MTNR1A: variants seen among roughly 807,000 people sequenced by gnomAD.
MTNR1A encodes melatonin receptor 1A.
In MTNR1A, 7 loss-of-function variants were observed where a neutral mutation model predicts 5.5. That is an observed-to-expected ratio of 1.28 (90% CI 0.73 to 2.40). The LOEUF (loss-of-function observed/expected upper bound fraction) is 2.40, where lower values mean the gene tolerates loss of function less well. Among genes scored for constraint, MTNR1A ranks in the 30% most tolerant of loss-of-function variants. The pLI is 0.00. For synonymous variants in MTNR1A, 196 were observed against 202.7 expected, an observed-to-expected ratio of 0.97 and a Z score of 0.28; for missense variants, 441 against 464.4, an observed-to-expected ratio of 0.95 and a Z score of 0.46.
chr4:186,554,908 A>G (rs993536533), intron 1 of MTNR1A, among the ~76,000 whole-genome samples: 2 of 152,206 alleles, frequency 1.3e-5, no homozygotes, highest in African/African-American at 2.4e-5. Flanking sequence ...TCTCAATCTA[A>G]TAAACCTCAG....
intron 1 of MTNR1A, among the ~76,000 whole-genome samples, chr4:186,538,985 C>T (rs922759200): frequency 7.2e-5 from 11 of 152,068 alleles, no homozygotes; most frequent in South Asian, 2.1e-4. Flanking sequence ...TTTGGGAGGC[C>T]GAGGCGGGGG....
chr4:186,555,318 G>C lies in MTNR1A; in HGVS notation c.48C>G (p.Leu16=). 20 of 1,546,572 alleles carry C rather than the reference G, an allele frequency of 1.3e-5. No individual in the cohort carries two copies. The highest frequency in any genetic ancestry group is 1.7e-5 in the Non-Finnish European group (19 of 1,145,724). The part of the protein sequence containing the change: ...SALPNASQPV[L]RGDGARPSWL... ...ACGAGGGCCGCGCGCCGTCCCCGCG[G>C]AGCACGGGCTGGGAGGCGTTGGGCA... The change falls in exon 1 of 2, where the codon CTC becomes CTG. Residue 16 remains leucine, a synonymous_variant. Transcript: ENST00000307161. This position sits in a 1 kb window ranked among gnomAD's most constrained non-coding sequence, Gnocchi z 4.1.
rs1472844351 is a variant in MTNR1A at position 186,540,727 on chromosome 4, G to T, written c.185-6170C>A. Among the ~76,000 whole-genome samples the T allele has an allele frequency of 3.1e-5, 3 of 98,298 alleles. No homozygotes were observed. In the East Asian group the frequency reaches 9.7e-4, roughly 32 times the overall value. The allele number at this position is 98,298 out of a possible 152,430, so 64.5% of individuals were successfully genotyped here. A position where few individuals can be genotyped will look rare whatever the true frequency, so the allele number is the denominator to read the frequency against. ...CTGTCTGAAGGACCAGGTGCTGTCT[G>T]ACTGACTGAAGGACCAGGTGCTGTC... On this transcript the variant is annotated intron_variant, in intron 1 of 1. Transcript: ENST00000307161.
intron 1 of MTNR1A, among the ~76,000 whole-genome samples, chr4:186,551,936 G>C (rs1737274109): frequency 6.6e-6 from 1 of 152,146 alleles, no homozygotes; most frequent in African/African-American, 2.4e-5. Flanking sequence ...TTACCCTACT[G>C]TGCACACAGA....
intron 1 of MTNR1A, among the ~76,000 whole-genome samples, chr4:186,538,495 T>C (rs1329469719): frequency 2.6e-5 from 4 of 152,080 alleles, no homozygotes; most frequent in Non-Finnish European, 5.9e-5. Flanking sequence ...GACGGCAGTG[T>C]GCTCACAGCT....
chr4:186,551,750 G>C (rs527447331), intron 1 of MTNR1A, among the ~76,000 whole-genome samples: 3 of 152,024 alleles, frequency 2.0e-5, no homozygotes. Context: ...GAGGCCCAAA[G>C]TCCACATTCA....
At position 186,555,420 on chromosome 4, in the gene MTNR1A, G is replaced by T; in HGVS notation, c.-55C>A. On this transcript the variant is annotated 5_prime_UTR_variant, in exon 1 of 2. Transcript: ENST00000307161. The surrounding 1 kb of genome is among the most constrained non-coding windows in gnomAD (Gnocchi z 4.1). ...CATCGCCCGCCTCGTCCGCCCGCCC[G>T]ACCACTTGTTAAGGCTCCGCCCGGC... The T allele has an allele frequency of 7.6e-7, 1 of 1,322,312 alleles. No individual in the cohort carries two copies. The highest frequency in any genetic ancestry group is 2.1e-5 in the South Asian group (1 of 47,914). 81.9% of individuals were successfully genotyped at this position (1,322,312 alleles called of 1,614,324 possible). A position where few individuals can be genotyped will look rare whatever the true frequency, so the allele number is the denominator to read the frequency against.
chr4:186,544,872 A>G (rs1232941586), intron 1 of MTNR1A, among the ~76,000 whole-genome samples: 1 of 152,120 alleles, frequency 6.6e-6, no homozygotes, highest in East Asian at 1.9e-4. Flanking sequence ...TTCATTTGGC[A>G]AGGACTGGAT....
At chr4:186,544,554 CCTAT>C (rs1271810160) in intron 1 of MTNR1A, among the ~76,000 whole-genome samples, 1 of 152,198 alleles carries the variant, frequency 6.6e-6, no homozygotes, top group Non-Finnish European at 1.5e-5. Flanking sequence ...AATCTATCAA[CCTAT>C]CTGACACTGT....
chr4:186,534,103 C>T lies in MTNR1A; in HGVS notation c.639G>A (p.Leu213=). The T allele has an allele frequency of 1.2e-6, 2 of 1,614,136 alleles. No individual in the cohort carries two copies. The highest frequency in any genetic ancestry group is 1.7e-6 in the Non-Finnish European group (2 of 1,180,034). The change falls in exon 2 of 2, where the codon CTG becomes CTA. Residue 213 remains leucine, a synonymous_variant. Transcript: ENST00000307161. ...VIFCYLRIWI[L]VLQVRQRVKP... is the part of the protein sequence containing the mutation. ...TCACCCTCTGTCTGACCTGGAGAAC[C>T]AGGATCCATATTCTCAGGTAACAGA...
Position 186,551,413 on chromosome 4 carries a change from G to T in MTNR1A, c.184+3769C>A, listed in dbSNP as rs921456246. ...GTTTTCCAGTTCATATTGTCTACTT[G>T]TTTTTTTTTTTAAACATACACTTAA... On this transcript the variant is annotated intron_variant, in intron 1 of 1. Transcript: ENST00000307161. 2.8e-4 allele frequency among the ~76,000 whole-genome samples: 40 copies of T among 142,966 alleles called. No individual in the cohort carries two copies. In the East Asian group the frequency reaches 5.6e-3, roughly 20 times the overall value. 93.8% of individuals were successfully genotyped at this position (142,966 alleles called of 152,430 possible). A position where few individuals can be genotyped will look rare whatever the true frequency, so the allele number is the denominator to read the frequency against.
intron 1 of MTNR1A, among the ~76,000 whole-genome samples, chr4:186,553,957 C>T (rs991443541): frequency 1.2e-4 from 19 of 152,188 alleles, no homozygotes; most frequent in African/African-American, 4.6e-4. Context: ...ATCTGCAGCC[C>T]CAGTTTCTCC....
rs142510595 is a variant in MTNR1A, at chr4:186,535,475, G to A, written c.185-918C>T. On this transcript the variant is annotated intron_variant, in intron 1 of 1. Coordinates refer to ENST00000307161, the MANE Select transcript of MTNR1A (RefSeq NM_005958.4). ...CACCCAGTCTGGAGTGCAATGGTCC[G>A]ACCTTGGCTCACTGCAACCTCCGCC... 4.9e-4 allele frequency among the ~76,000 whole-genome samples: 74 copies of A among 151,552 alleles called. 1 individual carries two copies. The East Asian group carries it at 9.5e-3, about 19-fold the overall frequency.
chr4:186,552,211 T>C (rs186748408), intron 1 of MTNR1A, among the ~76,000 whole-genome samples: 1 of 152,344 alleles, frequency 6.6e-6, no homozygotes, highest in African/African-American at 2.4e-5. Context: ...TTTCAACCCA[T>C]ACTGCTTGCT....
rs1443526963 is a variant in MTNR1A at position 186,555,291 on chromosome 4, C to G, written c.75G>C (p.Trp25Cys). The G allele has an allele frequency of 6.5e-7, 1 of 1,549,024 alleles. No individual in the cohort carries two copies. The highest frequency in any genetic ancestry group is 8.7e-7 in the Non-Finnish European group (1 of 1,147,138). The change falls in exon 1 of 2, where the codon TGG becomes TGC. Residue 25 changes from tryptophan to cysteine, a missense_variant. Coordinates refer to ENST00000307161, the MANE Select transcript of MTNR1A (RefSeq NM_005958.4). This position sits in a 1 kb window ranked among gnomAD's most constrained non-coding sequence, Gnocchi z 4.1. ...VLRGDGARPSWLASALACVLI... is the reference protein window; with the variant it reads ...VLRGDGARPSCLASALACVLI... ...GGACGCAGGCCAGGGCGGACGCCAG[C>G]CACGAGGGCCGCGCGCCGTCCCCGC...
intron 1 of MTNR1A, among the ~76,000 whole-genome samples, chr4:186,549,172 G>A (rs73024722): frequency 0.012 from 1,794 of 152,164 alleles, 35 homozygotes; most frequent in African/African-American, 0.04. Flanking sequence ...TTAAATAAAG[G>A]AGGAGGGAAT....
At chr4:186,540,696 T>G (rs1042807218) in intron 1 of MTNR1A, among the ~76,000 whole-genome samples, 1 of 148,978 alleles carries the variant, frequency 6.7e-6, no homozygotes, top group Non-Finnish European at 1.5e-5. Context: ...AAGGACCAGG[T>G]GCTGTCTGTC....
intron 1 of MTNR1A, among the ~76,000 whole-genome samples, chr4:186,550,831 T>C (rs1199717148): frequency 6.6e-6 from 1 of 152,222 alleles, no homozygotes; most frequent in African/African-American, 2.4e-5. Context: ...GAAACTACTG[T>C]CATAAGATTT....
At chr4:186,548,810 GATATATATATATATATATATAT>G (rs71595106) in intron 1 of MTNR1A, among the ~76,000 whole-genome samples, 2 of 54,592 alleles carry the variant, frequency 3.7e-5, no homozygotes, top group African/African-American at 6.4e-5. Flanking sequence ...AATCTATAAA[GATATATATATATATATATATAT>G]ATATATATAT....
Sources: gnomAD v4.1 joint callset for allele counts (sites outside exome capture counted in the v4.1 genomes callset) on GRCh38, gnomAD v4.1.1 for gene constraint, Gnocchi (gnomAD v3.1) non-coding constraint, MANE v1.5 for transcripts, NCBI Gene and HGNC (gene_info 2026-07-23, HGNC 2026-07-21) for gene names.